Variants in CCDC18 observed in about 807,000 individuals in gnomAD.
CCDC18 encodes the protein coiled-coil domain-containing protein 18.
CCDC18 carries 157 observed loss-of-function variants against 196.0 expected under a neutral mutation model. The ratio of observed to expected loss-of-function variants is 0.80; its 90% confidence interval spans 0.70 to 0.91. CCDC18 has a LOEUF of 0.91. CCDC18 is among the 40% of genes least tolerant of loss of function. The pLI, the probability that CCDC18 is intolerant of heterozygous loss-of-function variation, is 0.00. For synonymous variants in CCDC18, 482 were observed against 529.2 expected, an observed-to-expected ratio of 0.91 and a Z score of 1.22; for missense variants, 1,465 against 1,611.6, an observed-to-expected ratio of 0.91 and a Z score of 1.56.
chr1:93,246,492 G>A (rs969846856), intron 22 of CCDC18, among the ~76,000 whole-genome samples: 1 of 152,006 alleles, frequency 6.6e-6, no homozygotes, highest in Non-Finnish European at 1.5e-5. Flanking sequence ...TTTGGAAGGC[G>A]TTATTTAGCA....
intron 28 of CCDC18, among the ~76,000 whole-genome samples, chr1:93,274,522 A>G (rs946588631): frequency 1.4e-4 from 21 of 152,182 alleles, no homozygotes; most frequent in African/African-American, 4.6e-4. Context: ...CTATTCAATT[A>G]TCATTGAAGA....
At chr1:93,202,330 T>C (rs1272130124) in intron 7 of CCDC18, among the ~76,000 whole-genome samples, 2 of 152,220 alleles carry the variant, frequency 1.3e-5, no homozygotes, top group African/African-American at 2.4e-5. Context: ...ATAGATTATG[T>C]AGCTTTCAAC....
intron 9 of CCDC18, among the ~76,000 whole-genome samples, chr1:93,208,132 G>C (rs1252831122): frequency 2.6e-5 from 4 of 152,124 alleles, no homozygotes; most frequent in Non-Finnish European, 4.4e-5. Context: ...TAGATACCTA[G>C]GAGTAGAATT....
In CCDC18 at chr1:93,217,845, A is replaced by G; in HGVS notation, c.1938A>G (p.Lys646=). ...AGAAAATTCACTTGGAACAGCATAA[A>G]GAAATGGAAAAGCAGATTGAAAGAG... ...KAKKIHLEQH[K]EMEKQIERLE... The change falls in exon 14 of 29, where the codon AAA becomes AAG. Residue 646 remains lysine, a synonymous_variant. Coordinates refer to ENST00000690025, the MANE Select transcript of CCDC18 (RefSeq NM_001378204.1). 6.2e-7 allele frequency: 1 copy of G among 1,611,522 alleles called. No homozygotes were observed.
chr1:93,259,827 G>A (rs908304068), intron 26 of CCDC18, among the ~76,000 whole-genome samples: 10 of 152,096 alleles, frequency 6.6e-5, no homozygotes, highest in African/African-American at 2.4e-4. Flanking sequence ...ATAATTAGGC[G>A]CTTTCAAGTG....
chr1:93,180,126 G>A (rs1163145186), upstream of CCDC18: 6 of 1,613,896 alleles, frequency 3.7e-6, no homozygotes, highest in East Asian at 2.2e-5. Flanking sequence ...CGGCGGGAAG[G>A]GTAAAGGTGA....
chr1:93,244,206 T>G (rs973852963), intron 21 of CCDC18, among the ~76,000 whole-genome samples: 1 of 152,168 alleles, frequency 6.6e-6, no homozygotes, highest in African/African-American at 2.4e-5. Context: ...CTCCCATTTT[T>G]AAAACCATCA....
intron 6 of CCDC18, among the ~76,000 whole-genome samples, chr1:93,196,696 G>T (rs1652789954): frequency 6.6e-6 from 1 of 152,152 alleles, no homozygotes; most frequent in Admixed American, 6.5e-5. Context: ...TAATATTCTT[G>T]ATCTAATGGA....
chr1:93,220,575 G>T (rs1657253633), intron 14 of CCDC18, among the ~76,000 whole-genome samples: 1 of 152,194 alleles, frequency 6.6e-6, no homozygotes, highest in Admixed American at 6.5e-5. Context: ...ACAGTGTAAA[G>T]GGGGAGGGGT....
chr1:93,244,737 A>C (rs1661271349), intron 21 of CCDC18, among the ~76,000 whole-genome samples: 1 of 152,208 alleles, frequency 6.6e-6, no homozygotes, highest in African/African-American at 2.4e-5. Flanking sequence ...ATTTTACCAC[A>C]GTTAAAAAAA....
At chr1:93,256,664 C>A in intron 25 of CCDC18, 126 bp downstream of exon 25, 1 of 757,636 alleles carries the variant, frequency 1.3e-6, no homozygotes, top group Non-Finnish European at 2.2e-6. Context: ...TGTACTTAAT[C>A]CCACCGAATT....
intron 6 of CCDC18, among the ~76,000 whole-genome samples, chr1:93,194,956 C>T (rs1309781584): frequency 6.6e-5 from 10 of 152,050 alleles, no homozygotes; most frequent in African/African-American, 1.2e-4. Context: ...CTGCATCCTC[C>T]GCCCCCTGGG....
intron 28 of CCDC18, among the ~76,000 whole-genome samples, 178 bp from the exon 29 acceptor site, chr1:93,278,285 G>C (rs10874766): frequency 0.095 from 14,456 of 152,054 alleles, 956 homozygotes; most frequent in East Asian, 0.28. Flanking sequence ...CACTGCACCC[G>C]GCCTGCATTT....
chr1:93,213,334 C>T (rs1466225931), intron 11 of CCDC18, among the ~76,000 whole-genome samples: 1 of 151,784 alleles, frequency 6.6e-6, no homozygotes, highest in Non-Finnish European at 1.5e-5. Context: ...ACCATCACCA[C>T]AGTCAAGACA....
Position 93,214,818 on chromosome 1 carries a change from G to T in CCDC18, c.1571G>T (p.Gly524Val), listed in dbSNP as rs983266196. 12 of 1,613,364 alleles carry T rather than the reference G, an allele frequency of 7.4e-6. 1 individual carries two copies. The Middle Eastern group carries it at 6.7e-4, about 90-fold the overall frequency. The change falls in exon 12 of 29, where the codon GGA becomes GTA. Residue 524 changes from glycine (G) to valine (V), a missense_variant. Transcript: ENST00000690025. ...AAAGAGAGGCAAAGACTTGTTACTG[G>T]AATAGAAGAACTACGTACTAAGCTG... ...YEKERQRLVT[G>V]IEELRTKLIQ...
intron 23 of CCDC18, among the ~76,000 whole-genome samples, chr1:93,249,592 A>AG (rs1661962112): frequency 6.6e-6 from 1 of 152,180 alleles, no homozygotes; most frequent in South Asian, 2.1e-4. Flanking sequence ...TATGTTGCTC[A>AG]GGCTCACATT....
chr1:93,246,967 AAAATTACGTATTTT>A lies in CCDC18; in HGVS notation c.3198+20_3198+33del. ...ATGTAACAAACAGGTAAATTATTTT[AAAATTACGTATTTT>A]AAATTATTTTTTAAAAAATTCAAAC... On this transcript the variant is annotated intron_variant, in intron 23 of 28. Transcript: ENST00000690025. 9.7e-7 allele frequency: 1 copy of A among 1,028,364 alleles called. No individual in the cohort carries two copies. The highest frequency in any genetic ancestry group is 1.5e-6 in the Non-Finnish European group (1 of 683,134). The allele number at this position is 1,028,364 out of a possible 1,614,324, so 63.7% of individuals were successfully genotyped here.
chr1:93,256,411 C>T lies in CCDC18; in HGVS notation c.3419C>T (p.Thr1140Ile), dbSNP rs756839153. Residue 1140 changes from threonine (T) to isoleucine (I), a missense_variant, in exon 25 of 29, where the codon ACC (threonine) becomes ATC (isoleucine). Thr to Ile is a moderately conservative substitution (Grantham distance 89). Transcript: ENST00000690025. ...GATTTGGGGCAAGAATTGAGGCTGACCCGGGAGCAGGTGCAGAACTCTCAT... is the reference window on the plus strand; with the variant it reads ...GATTTGGGGCAAGAATTGAGGCTGATCCGGGAGCAGGTGCAGAACTCTCAT... ...AIDLGQELRL[T>I]REQVQNSHTE... 16 of 1,613,934 alleles carry T rather than the reference C, an allele frequency of 9.9e-6. No individual in the cohort carries two copies. In the South Asian group the frequency reaches 1.2e-4, roughly 12 times the overall value.
chr1:93,179,986 C>T (rs774421493), upstream of CCDC18: 138 of 1,482,974 alleles, frequency 9.3e-5, no homozygotes, highest in Non-Finnish European at 1.2e-4. Flanking sequence ...AGTTTCTAAA[C>T]GGGTGAGAGG....
Sources: allele counts gnomAD v4.1 joint callset (sites outside exome capture counted in the v4.1 genomes callset), GRCh38; gene constraint gnomAD v4.1.1; transcripts MANE v1.5; gene names NCBI Gene and HGNC (gene_info 2026-07-23, HGNC 2026-07-21).